Variants in COL15A1 observed in about 807,000 individuals in gnomAD.
COL15A1 encodes the protein collagen alpha-1(XV) chain.
In COL15A1, 111 loss-of-function variants were observed where a neutral mutation model predicts 165.9. That is an observed-to-expected ratio of 0.67 (90% CI 0.57 to 0.78). The LOEUF (loss-of-function observed/expected upper bound fraction) is 0.78, where lower values mean the gene tolerates loss of function less well. Among genes scored for constraint, COL15A1 ranks in the 30% least tolerant of loss-of-function variants. The probability of loss-of-function intolerance (pLI) is 0.00; values close to 1 mark genes in which losing one functional copy is unlikely to be tolerated. For synonymous variants in COL15A1, 659 were observed against 674.8 expected, an observed-to-expected ratio of 0.98 and a Z score of 0.36; for missense variants, 1,745 against 1,789.7, an observed-to-expected ratio of 0.98 and a Z score of 0.45.
chr9:98,958,952 G>A (rs1311440562), intron 2 of COL15A1, among the ~76,000 whole-genome samples: 1 of 152,072 alleles, frequency 6.6e-6, no homozygotes, highest in Non-Finnish European at 1.5e-5. Context: ...TCTAAGAGTG[G>A]TTCCATTTGA....
At chr9:98,969,522 G>C (rs1049895895) in intron 2 of COL15A1, among the ~76,000 whole-genome samples, 4 of 152,212 alleles carry the variant, frequency 2.6e-5, no homozygotes, top group Admixed American at 6.5e-5. Context: ...CAGACCAGAA[G>C]AGAACAGTGG....
chr9:98,995,612 C>T (rs1838529364), intron 5 of COL15A1, among the ~76,000 whole-genome samples: 1 of 152,158 alleles, frequency 6.6e-6, no homozygotes, highest in Non-Finnish European at 1.5e-5. Flanking sequence ...TTTCATCAAC[C>T]CTCCACCCCT....
chr9:99,054,453 G>A, intron 31 of COL15A1, 123 bp from the exon 32 acceptor site: 1 of 1,005,154 alleles, frequency 9.9e-7, no homozygotes, highest in Non-Finnish European at 1.4e-6. Flanking sequence ...TGATCTCTCA[G>A]GAGGGCTTTG....
chr9:99,022,210 A>G, intron 13 of COL15A1, 60 bp downstream of exon 13: 1 of 1,608,800 alleles, frequency 6.2e-7, no homozygotes, highest in Non-Finnish European at 8.5e-7. Context: ...TGCGGCCAAA[A>G]CAGCCACAGG....
chr9:99,061,976 A>G lies in COL15A1; in HGVS notation c.3408A>G (p.Thr1136=). The G allele has an allele frequency of 6.2e-7, 1 of 1,612,324 alleles. No individual in the cohort carries two copies. The highest frequency in any genetic ancestry group is 8.5e-7 in the Non-Finnish European group (1 of 1,179,430). The change falls in exon 37 of 42, where the codon ACA becomes ACG. Residue 1136 remains threonine, a synonymous_variant. Coordinates refer to ENST00000375001, the MANE Select transcript of COL15A1 (RefSeq NM_001855.5). ...GAATTTAAATGATCTGACAGGTCAC[A>G]GCATTCAGCAACATGGATGACATGC... ...PGLPGSRNLV[T]AFSNMDDMLQ...
chr9:99,053,410 A>C (rs1421116625), intron 31 of COL15A1, among the ~76,000 whole-genome samples: 1 of 152,242 alleles, frequency 6.6e-6, no homozygotes, highest in Admixed American at 6.5e-5. Context: ...CTTGGGGAGC[A>C]GGGGATGGAG....
At chr9:98,978,602 T>C (rs1324132992) in intron 2 of COL15A1, among the ~76,000 whole-genome samples, 2 of 152,210 alleles carry the variant, frequency 1.3e-5, no homozygotes, top group Non-Finnish European at 2.9e-5. Context: ...GAAATCTCAG[T>C]GGGATGTGTG....
At chr9:98,982,435 T>A (rs2118874808) in intron 2 of COL15A1, among the ~76,000 whole-genome samples, 1 of 152,338 alleles carries the variant, frequency 6.6e-6, no homozygotes, top group African/African-American at 2.4e-5. Context: ...AAGACCCATT[T>A]TTCAAGTGCT....
chr9:99,040,290 T>G (rs2119066755), intron 22 of COL15A1, among the ~76,000 whole-genome samples: 1 of 152,294 alleles, frequency 6.6e-6, no homozygotes, highest in East Asian at 1.9e-4. Context: ...CTGCCTGCAT[T>G]ACCATGCCTC....
rs981792665 is a variant in COL15A1, at chr9:98,980,046, C to T, written c.101-5519C>T. Among the ~76,000 whole-genome samples the T allele has an allele frequency of 2.0e-5, 3 of 151,834 alleles. No homozygotes were observed. The South Asian group carries it at 6.2e-4, about 31-fold the overall frequency. ...GATGCTGCATGCCTGTAGCCCCAGA[C>T]ATTTGGGAGGCTGAGAGGTGGAAGG... On this transcript the variant is annotated intron_variant, in intron 2 of 41. Coordinates refer to ENST00000375001, the MANE Select transcript of COL15A1 (RefSeq NM_001855.5).
intron 2 of COL15A1, among the ~76,000 whole-genome samples, chr9:98,983,900 C>G (rs1363994252): frequency 6.6e-6 from 1 of 152,134 alleles, no homozygotes; most frequent in Non-Finnish European, 1.5e-5. Context: ...AAGATGGTGG[C>G]AAGTTGGGTA....
At chr9:99,013,136 G>A (rs1041635653) in intron 9 of COL15A1, among the ~76,000 whole-genome samples, 6 of 152,094 alleles carry the variant, frequency 3.9e-5, no homozygotes, top group Admixed American at 6.5e-5. Context: ...ACCCTCTTAC[G>A]TGTCTCAGTT....
At chr9:99,065,992 G>C (rs1825885651) in intron 39 of COL15A1, among the ~76,000 whole-genome samples, 1 of 152,002 alleles carries the variant, frequency 6.6e-6, no homozygotes, top group Admixed American at 6.5e-5. Context: ...CCCACCGCCT[G>C]AGCCTCATTT....
chr9:99,054,270 C>T (rs3824511), intron 31 of COL15A1, among the ~76,000 whole-genome samples: 21,358 of 152,144 alleles, frequency 0.14, 1,802 homozygotes, highest in East Asian at 0.34. Flanking sequence ...CAGGGTTAGC[C>T]GCAGCCTCTG....
At chr9:99,051,948 T>C (rs1405533780) in intron 30 of COL15A1, among the ~76,000 whole-genome samples, 1 of 152,254 alleles carries the variant, frequency 6.6e-6, no homozygotes, top group African/African-American at 2.4e-5. Context: ...CATCTTTGAT[T>C]ACATGCAATA....
intron 5 of COL15A1, among the ~76,000 whole-genome samples, chr9:98,992,892 G>A (rs1838468438): frequency 1.3e-5 from 2 of 152,132 alleles, no homozygotes; most frequent in African/African-American, 2.4e-5. Context: ...CAGCCAAGGG[G>A]GGCTATGAAA....
chr9:98,978,308 C>T (rs900360945), intron 2 of COL15A1, among the ~76,000 whole-genome samples: 1 of 152,212 alleles, frequency 6.6e-6, no homozygotes, highest in South Asian at 2.1e-4. Flanking sequence ...CTCTCAGGCC[C>T]TTCTCCCTGT....
At chr9:98,992,374 C>T (rs2151617) in intron 5 of COL15A1, among the ~76,000 whole-genome samples, 10,721 of 152,306 alleles carry the variant, frequency 0.07, 464 homozygotes, top group Non-Finnish European at 0.089. Flanking sequence ...TGCCCAGGGT[C>T]GGTGGCACCG....
At chr9:98,997,315 C>T (rs1838565671) in intron 6 of COL15A1, among the ~76,000 whole-genome samples, 1 of 152,170 alleles carries the variant, frequency 6.6e-6, no homozygotes, top group African/African-American at 2.4e-5. Flanking sequence ...GGCATTTGAG[C>T]TCAGATAGCA....
Sources: gnomAD v4.1 joint callset for allele counts (sites outside exome capture counted in the v4.1 genomes callset) on GRCh38, gnomAD v4.1.1 for gene constraint, MANE v1.5 for transcripts, NCBI Gene and HGNC (gene_info 2026-07-23, HGNC 2026-07-21) for gene names.